Variants in ZFYVE9 observed in about 807,000 individuals in gnomAD.
ZFYVE9 encodes the protein zinc finger FYVE-type containing 9, also known as zinc finger FYVE domain-containing protein 9.
Under a neutral mutation model 126.7 loss-of-function variants are expected in ZFYVE9, and 43 were observed. The ratio of observed to expected loss-of-function variants is 0.34; its 90% CI spans 0.27 to 0.44. ZFYVE9 has a LOEUF of 0.44. Among genes scored for constraint, ZFYVE9 ranks in the 20% least tolerant of loss-of-function variants. The pLI is 1.00. For missense variants in ZFYVE9, 1,476 were observed against 1,697.0 expected (o/e 0.87, Z 2.29); for synonymous variants, 521 against 597.4 (o/e 0.87, Z 1.87).
chr1:52,191,979 A>C (rs1318832654), intron 1 of ZFYVE9, among the ~76,000 whole-genome samples: 2 of 151,880 alleles, frequency 1.3e-5, no homozygotes, highest in East Asian at 3.9e-4. Flanking sequence ...TATTAAATGG[A>C]CATGGTCTTA....
chr1:52,281,630 CTTTA>C (rs937196713), intron 9 of ZFYVE9, 27 bp from the exon 10 acceptor site: 1 of 1,609,614 alleles, frequency 6.2e-7, no homozygotes, highest in Non-Finnish European at 8.5e-7. Flanking sequence ...ATAGGAATGT[CTTTA>C]TTTTTGTGTT....
chr1:52,171,798 CT>C (rs1228953094), intron 1 of ZFYVE9, among the ~76,000 whole-genome samples: 1 of 152,114 alleles, frequency 6.6e-6, no homozygotes, highest in Non-Finnish European at 1.5e-5. Flanking sequence ...TAAATGTCTT[CT>C]TTTGAGAAGT....
At chr1:52,241,467 A>G (rs1645333470) in intron 4 of ZFYVE9, among the ~76,000 whole-genome samples, 2 of 152,204 alleles carry the variant, frequency 1.3e-5, no homozygotes, top group Admixed American at 6.5e-5. Context: ...TTACTGTAAC[A>G]CTTTCTGAAG....
At chr1:52,190,031 GAAGT>G (rs531541513) in intron 1 of ZFYVE9, 69 of 155,892 alleles carry the variant, frequency 4.4e-4, no homozygotes, top group African/African-American at 1.3e-3. Context: ...ATGTTGATGA[GAAGT>G]GAGTATATAT....
At position 52,278,569 on chromosome 1, in the gene ZFYVE9, TTTGTTTTAAA is replaced by T; in HGVS notation, c.2826_2835del (p.Phe942LeufsTer11). 1 of 1,602,762 alleles carries T rather than the reference TTTGTTTTAAA, an allele frequency of 6.2e-7. No individual in the cohort carries two copies. The highest frequency in any genetic ancestry group is 1.1e-5 in the South Asian group (1 of 88,288). ...GGATGGTGGCCCTGACCCACTTGTATTTGTTTTAAATGCAAATTTGTTGTCAATGGTTAAA... is the reference window on the plus strand; with the variant it reads ...GGATGGTGGCCCTGACCCACTTGTATTGCAAATTTGTTGTCAATGGTTAAA... On this transcript the variant is annotated frameshift_variant, in exon 9 of 19. Transcript: ENST00000287727. LOFTEE classifies it high-confidence loss of function.
In ZFYVE9 at chr1:52,289,706, C is replaced by G. The variant is rs575573131; in HGVS notation, c.3026-3747C>G. Among the ~76,000 whole-genome samples, 4 of 152,236 alleles carry G rather than the reference C, an allele frequency of 2.6e-5. No homozygotes were observed. The South Asian group carries it at 8.3e-4, about 32-fold the overall frequency. On this transcript the variant is annotated intron_variant, in intron 10 of 18. Transcript: ENST00000287727. ...GTTTTATTTTTGCCAATATCTACAC[C>G]TGTGCAGTGTTACTTGTTTGTAGAT...
intron 13 of ZFYVE9, among the ~76,000 whole-genome samples, chr1:52,318,334 C>G (rs1398132065): frequency 6.6e-6 from 1 of 150,762 alleles, no homozygotes; most frequent in Non-Finnish European, 1.5e-5. Flanking sequence ...TTGACGAAAT[C>G]CTACTTCCAT....
intron 1 of ZFYVE9, among the ~76,000 whole-genome samples, chr1:52,157,394 CTTTTTTTTTTTTT>C (rs71579908): frequency 3.4e-5 from 2 of 58,444 alleles, no homozygotes; most frequent in African/African-American, 1.5e-4. Context: ...ACCATATTCT[CTTTTTTTTTTTTT>C]TTTTTTTTTT....
intron 1 of ZFYVE9, among the ~76,000 whole-genome samples, chr1:52,164,952 G>T (rs1280587858): frequency 1.3e-5 from 2 of 152,160 alleles, no homozygotes; most frequent in African/African-American, 4.8e-5. Flanking sequence ...GGGGATCAGT[G>T]TTTAATAGGT....
At position 52,263,837 on chromosome 1, in the gene ZFYVE9, G is replaced by C; in HGVS notation, c.2243G>C (p.Arg748Thr). The C allele has an allele frequency of 6.3e-7, 1 of 1,584,090 alleles. No individual in the cohort carries two copies. The highest frequency in any genetic ancestry group is 8.6e-7 in the Non-Finnish European group (1 of 1,164,932). Reference protein sequence around the residue: ...KLLYMDRKEARVCVICHSVLM... With the variant: ...KLLYMDRKEATVCVICHSVLM... ...TTATACATGGACAGAAAGGAAGCTA[G>C]AGTGTGTGTAATCTGCCATTCAGTG... is the stretch of plus-strand genomic sequence containing the variant. The change falls in exon 5 of 19, where the codon AGA becomes ACA. Residue 748 changes from arginine to threonine, a missense_variant. Arg to Thr is a moderately conservative substitution (Grantham distance 71). This residue lies in a region of ZFYVE9 where 669 missense variants were observed against 902.4 expected (regional missense o/e 0.74). Transcript: ENST00000287727.
At chr1:52,184,536 G>T (rs917256127) in intron 1 of ZFYVE9, among the ~76,000 whole-genome samples, 1 of 131,430 alleles carries the variant, frequency 7.6e-6, no homozygotes, top group African/African-American at 2.9e-5. Context: ...GTGAGCCACC[G>T]CATCTGGCCA....
intron 1 of ZFYVE9, among the ~76,000 whole-genome samples, chr1:52,183,784 G>A (rs1644737166): frequency 6.6e-6 from 1 of 152,118 alleles, no homozygotes; most frequent in African/African-American, 2.4e-5. Flanking sequence ...AGGATTACTG[G>A]CGTGAGCCAC....
At chr1:52,151,509 G>A (rs1486920154) in intron 1 of ZFYVE9, among the ~76,000 whole-genome samples, 1 of 150,748 alleles carries the variant, frequency 6.6e-6, no homozygotes, top group African/African-American at 2.4e-5. Flanking sequence ...GTGTGTGTAT[G>A]TGTGTTTTTT....
chr1:52,291,739 G>T (rs955055085), intron 10 of ZFYVE9, among the ~76,000 whole-genome samples: 1 of 151,704 alleles, frequency 6.6e-6, no homozygotes, highest in Non-Finnish European at 1.5e-5. Context: ...TTAGCCAGGC[G>T]TGGTGGTGGG....
intron 1 of ZFYVE9, among the ~76,000 whole-genome samples, chr1:52,214,632 G>A (rs573559222): frequency 6.6e-6 from 1 of 152,056 alleles, no homozygotes; most frequent in East Asian, 1.9e-4. Context: ...TTTGTATTAG[G>A]GTTCTGTAAA....
intron 15 of ZFYVE9, among the ~76,000 whole-genome samples, chr1:52,335,377 C>T (rs1646379072): frequency 6.6e-6 from 1 of 152,120 alleles, no homozygotes; most frequent in African/African-American, 2.4e-5. Flanking sequence ...TGTTTGGAGT[C>T]TTAGTTGGGA....
intron 1 of ZFYVE9, among the ~76,000 whole-genome samples, chr1:52,177,323 A>C (rs1030827099): frequency 1.3e-5 from 2 of 151,866 alleles, no homozygotes; most frequent in African/African-American, 2.4e-5. Flanking sequence ...TAATTTTTGT[A>C]TTTTTGAGTA....
chr1:52,335,690 T>A (rs181005552), intron 15 of ZFYVE9, among the ~76,000 whole-genome samples: 78 of 152,250 alleles, frequency 5.1e-4, no homozygotes, highest in Non-Finnish European at 1.1e-3. Context: ...GGAGGGAAAT[T>A]AGACTTCACT....
chr1:52,327,079 T>G (rs1232566458), intron 13 of ZFYVE9, among the ~76,000 whole-genome samples: 3 of 152,026 alleles, frequency 2.0e-5, no homozygotes, highest in Non-Finnish European at 4.4e-5. Flanking sequence ...GAGAATCGCT[T>G]GAACCCAGGA....
Sources: gnomAD v4.1 joint callset for allele counts (sites outside exome capture counted in the v4.1 genomes callset) on GRCh38, gnomAD v4.1.1 for gene constraint, gnomAD v4.1.1 regional missense constraint, MANE v1.5 for transcripts, NCBI Gene and HGNC (gene_info 2026-07-23, HGNC 2026-07-21) for gene names.